Variants in KIF1B observed in about 807,000 individuals in gnomAD.
KIF1B encodes kinesin-like protein KIF1B.
A neutral mutation model predicts 241.9 loss-of-function variants in KIF1B; 76 were observed. The ratio of observed to expected loss-of-function variants is 0.31; its 90% CI spans 0.26 to 0.38. The LOEUF is 0.38. KIF1B is among the 10% of genes least tolerant of loss of function. The probability of loss-of-function intolerance (pLI) is 1.00; values close to 1 mark genes in which losing one functional copy is unlikely to be tolerated. For synonymous variants in KIF1B, 750 were observed against 796.7 expected (o/e 0.94, Z 0.99); for missense variants, 1,622 against 2,271.4 (o/e 0.71, Z 5.81).
intron 1 of KIF1B, among the ~76,000 whole-genome samples, chr1:10,218,755 G>A (rs767131595): frequency 2.0e-5 from 3 of 152,156 alleles, no homozygotes; most frequent in Non-Finnish European, 2.9e-5. Flanking sequence ...TTGCTGTGTC[G>A]TTTGGTTTTA....
chr1:10,375,213 T>A, intron 47 of KIF1B, 42 bp from the exon 48 acceptor site: 1 of 1,554,642 alleles, frequency 6.4e-7, no homozygotes, highest in Non-Finnish European at 8.9e-7. Context: ...CCCATTGCTG[T>A]CTCTGTAGTA....
In KIF1B at chr1:10,232,298, C is replaced by T. The variant is rs750035868; in HGVS notation, c.-31C>T. 8 of 1,447,140 alleles carry T rather than the reference C, an allele frequency of 5.5e-6. No homozygotes were observed. In the African/African-American group the frequency reaches 1.1e-4, roughly 20 times the overall value. 89.6% of individuals were successfully genotyped at this position (1,447,140 alleles called of 1,614,324 possible). A position where few individuals can be genotyped will look rare whatever the true frequency, so the allele number is the denominator to read the frequency against. On this transcript the variant is annotated 5_prime_UTR_variant, in exon 2 of 49. Coordinates refer to ENST00000676179, the MANE Select transcript of KIF1B (RefSeq NM_001365951.3). The stretch of plus-strand genomic sequence containing the variant: ...GAAGATTTGATTCTTTATTTCTGGA[C>T]TGCATATATATATATAACAAGGCCA...
At chr1:10,215,108 A>G (rs1646745161) in intron 1 of KIF1B, among the ~76,000 whole-genome samples, 1 of 143,304 alleles carries the variant, frequency 7.0e-6, no homozygotes, top group South Asian at 2.2e-4. Context: ...AAGCTTGTAA[A>G]TGTTTGATGG....
At position 10,266,016 on chromosome 1, in the gene KIF1B, T is replaced by C. The variant is rs1235265632; in HGVS notation, c.430-1364T>C. Among the ~76,000 whole-genome samples, 6 of 152,294 alleles carry C rather than the reference T, an allele frequency of 3.9e-5. No individual in the cohort carries two copies. In the East Asian group the frequency reaches 1.2e-3, roughly 29 times the overall value. On this transcript the variant is annotated intron_variant, in intron 5 of 48. Coordinates refer to ENST00000676179, the MANE Select transcript of KIF1B (RefSeq NM_001365951.3). ...GAGCTGTAATGTAAGCTTGAATAGC[T>C]CCATGATACAGAAGGATCTGTTTCC... is the stretch of plus-strand genomic sequence containing the variant.
At chr1:10,321,958 C>G (rs1318148920) in intron 24 of KIF1B, 101 bp downstream of exon 24, 1 of 1,329,180 alleles carries the variant, frequency 7.5e-7, no homozygotes, top group Non-Finnish European at 1.1e-6. Flanking sequence ...TGGGGGAACT[C>G]AGCTGCTTTG....
chr1:10,215,167 TATA>T (rs1476218164), intron 1 of KIF1B, among the ~76,000 whole-genome samples: 179 of 55,062 alleles, frequency 3.3e-3, no homozygotes, highest in African/African-American at 8.9e-3. Flanking sequence ...TATATATATA[TATA>T]TATTTTTTTT....
intron 22 of KIF1B, among the ~76,000 whole-genome samples, chr1:10,299,730 G>A (rs1227731110): frequency 1.3e-5 from 2 of 152,012 alleles, no homozygotes; most frequent in African/African-American, 4.8e-5. Context: ...TCTTCAGTTA[G>A]TGCTCTAGGA....
At chr1:10,223,790 C>T (rs965992979) in intron 1 of KIF1B, among the ~76,000 whole-genome samples, 2 of 151,984 alleles carry the variant, frequency 1.3e-5, no homozygotes, top group African/African-American at 2.4e-5. Context: ...ATGATCCGCC[C>T]GCCTCGGCCT....
In KIF1B at chr1:10,378,773, T is replaced by C; in HGVS notation, c.*2186T>C. The stretch of plus-strand genomic sequence containing the variant: ...CCAGCTTCGCTCCTTATCACTGCAT[T>C]GTGAAGAGGAGGAAAAGTGAATCAC... On this transcript the variant is annotated 3_prime_UTR_variant, in exon 49 of 49. Coordinates refer to ENST00000676179, the MANE Select transcript of KIF1B (RefSeq NM_001365951.3). 3.6e-6 allele frequency: 1 copy of C among 278,372 alleles called. No homozygotes were observed. Among genetic ancestry groups the C allele is most frequent in the Non-Finnish European group, 6.9e-6 (1 of 144,990 alleles). 17.2% of individuals were successfully genotyped at this position (278,372 alleles called of 1,614,324 possible). A position where few individuals can be genotyped will look rare whatever the true frequency, so the allele number is the denominator to read the frequency against.
At chr1:10,341,991 T>G in intron 32 of KIF1B, 59 bp from the exon 33 acceptor site, 2 of 1,172,872 alleles carry the variant, frequency 1.7e-6, no homozygotes, top group South Asian at 2.4e-5. Flanking sequence ...ACTAAAGTTC[T>G]GATTGAAGCA....
intron 2 of KIF1B, among the ~76,000 whole-genome samples, chr1:10,252,165 A>G (rs12408019): frequency 0.28 from 41,740 of 151,532 alleles, 5,865 homozygotes; most frequent in Admixed American, 0.33. Context: ...TCAGCCTCCC[A>G]AGTAGCTGGG....
rs1638837424 is a variant in KIF1B, at chr1:10,374,753, G to A, written c.5097-101G>A. On this transcript the variant is annotated intron_variant, in intron 46 of 48. Transcript: ENST00000676179. The surrounding 1 kb of genome is among the most constrained non-coding windows in gnomAD (Gnocchi z 4.3). Reference sequence around the variant, plus strand: ...AAATAGGTCATTTGCCTGTTTCATCGAATCTAAGGACTTGGCCTAAGTGTG... The same window carrying A: ...AAATAGGTCATTTGCCTGTTTCATCAAATCTAAGGACTTGGCCTAAGTGTG... 7.7e-6 allele frequency: 9 copies of A among 1,170,618 alleles called. No homozygotes were observed. The highest frequency in any genetic ancestry group is 4.0e-4 in the Middle Eastern group (2 of 5,030). The allele number at this position is 1,170,618 out of a possible 1,614,324, so 72.5% of individuals were successfully genotyped here.
chr1:10,302,926 G>A (rs941463355), intron 22 of KIF1B, among the ~76,000 whole-genome samples: 1 of 152,114 alleles, frequency 6.6e-6, no homozygotes, highest in African/African-American at 2.4e-5. Flanking sequence ...ATTTGGATTA[G>A]GGATGCCAAA....
chr1:10,276,215 T>C (rs1331489596), intron 11 of KIF1B, 106 bp from the exon 12 acceptor site: 5 of 804,636 alleles, frequency 6.2e-6, no homozygotes, highest in Non-Finnish European at 1.1e-5. Context: ...AATTTGACAT[T>C]ACATTAAATC....
chr1:10,304,917 T>C, intron 22 of KIF1B: 1 of 1,323,170 alleles, frequency 7.6e-7, no homozygotes, highest in South Asian at 1.7e-5. Flanking sequence ...CTAATTAATA[T>C]ACTTACTTAC....
Position 10,296,611 on chromosome 1 carries a change from T to A in KIF1B, c.1807T>A (p.Ser603Thr). ...VIVTLEPCER[S>T]ETYVNGKRVS... ...CGTGACCTTAGAGCCCTGTGAGCGC[T>A]CAGAAACCTACGTAAATGGCAAGAG... Residue 603 changes from serine (S) to threonine (T), a missense_variant, in exon 20 of 49, where the codon TCA becomes ACA. Transcript: ENST00000676179. 6.2e-7 allele frequency: 1 copy of A among 1,613,988 alleles called. No homozygotes were observed. Among genetic ancestry groups the A allele is most frequent in the Non-Finnish European group, 8.5e-7 (1 of 1,179,940 alleles).
At chr1:10,271,620 C>A in intron 8 of KIF1B, 41 bp downstream of exon 8, 1 of 1,281,616 alleles carries the variant, frequency 7.8e-7, no homozygotes, top group Non-Finnish European at 1.1e-6. Context: ...CAATAAATGG[C>A]CACTACCTGT....
Position 10,258,680 on chromosome 1 carries a change from AC to A in KIF1B, c.363+9del, listed in dbSNP as rs1361542809. 11 of 1,612,596 alleles carry A rather than the reference AC, an allele frequency of 6.8e-6. No homozygotes were observed. Among genetic ancestry groups the A allele is most frequent in the Non-Finnish European group, 9.3e-6 (11 of 1,178,938 alleles). ...GCTGGCATCATTCCACAGGTGAAAA[AC>A]AAAACAAAACAAAAATCTTCTCTTC... On this transcript the variant is annotated intron_variant, in intron 4 of 48. Transcript: ENST00000676179.
At chr1:10,293,867 A>G (rs891217940) in intron 17 of KIF1B, among the ~76,000 whole-genome samples, 4 of 152,148 alleles carry the variant, frequency 2.6e-5, no homozygotes, top group African/African-American at 9.7e-5. Context: ...AGACTTCTTC[A>G]TGAAAGGAAG....
Sources: gnomAD v4.1 joint callset for allele counts (sites outside exome capture counted in the v4.1 genomes callset) on GRCh38, gnomAD v4.1.1 for gene constraint, Gnocchi (gnomAD v3.1) non-coding constraint, MANE v1.5 for transcripts, NCBI Gene and HGNC (gene_info 2026-07-23, HGNC 2026-07-21) for gene names.